Variants in FARP2 observed in about 807,000 individuals in gnomAD.
The protein encoded by FARP2 is FERM, ARH/RhoGEF and pleckstrin domain protein 2.
In FARP2, 111 loss-of-function variants were observed where a neutral mutation model predicts 130.5. That is an observed-to-expected ratio of 0.85 (90% CI 0.73 to 1.00). The LOEUF is 1.00. Among genes scored for constraint, FARP2 ranks in the 50% least tolerant of loss-of-function variants. The probability of loss-of-function intolerance (pLI) is 0.00; values close to 1 mark genes in which losing one functional copy is unlikely to be tolerated. For missense variants in FARP2, 1,385 were observed against 1,346.3 expected, an observed-to-expected ratio of 1.03 and a Z score of -0.45; for synonymous variants, 504 against 516.9, an observed-to-expected ratio of 0.98 and a Z score of 0.34.
intron 19 of FARP2, among the ~76,000 whole-genome samples, chr2:241,480,833 G>A (rs1194537460): frequency 6.6e-6 from 1 of 152,012 alleles, no homozygotes; most frequent in Non-Finnish European, 1.5e-5. Context: ...TGTGTATAGT[G>A]GAAGGTAGGA....
intron 2 of FARP2, among the ~76,000 whole-genome samples, chr2:241,376,166 C>T (rs2061531853): frequency 6.6e-6 from 1 of 152,162 alleles, no homozygotes; most frequent in African/African-American, 2.4e-5. Context: ...ACCTCATGTG[C>T]AGAATCTCAT....
Position 241,356,307 on chromosome 2 carries a change from C to G in FARP2, c.-106C>G, listed in dbSNP as rs973393070. 2.0e-5 allele frequency: 3 copies of G among 152,412 alleles called. No individual in the cohort carries two copies. The highest frequency in any genetic ancestry group is 2.9e-5 in the Non-Finnish European group (2 of 68,024). 9.4% of individuals were successfully genotyped at this position (152,412 alleles called of 1,614,324 possible). A position where few individuals can be genotyped will look rare whatever the true frequency, so the allele number is the denominator to read the frequency against. On this transcript the variant is annotated 5_prime_UTR_variant, in exon 1 of 27. Coordinates refer to ENST00000264042, the MANE Select transcript of FARP2 (RefSeq NM_014808.4). ...GGCAGTTGGGAGCAGGCGACGCCGA[C>G]GCGAGTCTGGCGGCTGCTGCTTGCG... is the stretch of plus-strand genomic sequence containing the variant.
intron 1 of FARP2, 52 bp downstream of exon 1, chr2:241,356,440 G>C (rs1005602403): frequency 2.6e-5 from 4 of 152,256 alleles, no homozygotes; most frequent in Non-Finnish European, 5.9e-5. Context: ...GCCTCTCCGG[G>C]TGGGCGGCGA....
chr2:241,389,573 G>C (rs1005477117), intron 2 of FARP2, among the ~76,000 whole-genome samples: 13 of 152,158 alleles, frequency 8.5e-5, no homozygotes, highest in African/African-American at 3.1e-4. Flanking sequence ...TTACAACTCT[G>C]TAAAACAACC....
chr2:241,407,244 G>A (rs984038386), intron 4 of FARP2, among the ~76,000 whole-genome samples: 20 of 151,244 alleles, frequency 1.3e-4, no homozygotes, highest in Admixed American at 3.3e-4. Flanking sequence ...TCTTTTGTTC[G>A]GAGACAGGGT....
intron 13 of FARP2, 97 bp from the exon 14 acceptor site, chr2:241,456,650 C>A: frequency 8.5e-7 from 1 of 1,182,322 alleles, no homozygotes; most frequent in Non-Finnish European, 1.2e-6. Context: ...CTGTGTGAGG[C>A]TGGCGGTTGA....
At chr2:241,399,988 CTG>C (rs148699823) in intron 2 of FARP2, among the ~76,000 whole-genome samples, 5,060 of 152,248 alleles carry the variant, frequency 0.033, 504 homozygotes, top group Admixed American at 0.19. Flanking sequence ...ACCCATATAA[CTG>C]TGAATTTTTG....
chr2:241,383,632 C>T (rs570342817), intron 2 of FARP2, among the ~76,000 whole-genome samples: 3 of 151,816 alleles, frequency 2.0e-5, no homozygotes, highest in Non-Finnish European at 2.9e-5. Flanking sequence ...GTGACATTTG[C>T]GGTGACCCAG....
intron 8 of FARP2, among the ~76,000 whole-genome samples, chr2:241,427,378 G>T (rs1474240629): frequency 1.3e-5 from 2 of 152,114 alleles, no homozygotes; most frequent in Admixed American, 6.6e-5. Flanking sequence ...TATACAGGAA[G>T]CCCAGCGTGG....
At chr2:241,463,493 G>A (rs748011655) in intron 16 of FARP2, 25 bp downstream of exon 16, 11 of 1,607,946 alleles carry the variant, frequency 6.8e-6, no homozygotes, top group African/African-American at 1.3e-5. Context: ...GCCCCCACAC[G>A]GGAGACTCCC....
At chr2:241,474,032 C>T (rs971293047) in intron 18 of FARP2, among the ~76,000 whole-genome samples, 1 of 152,276 alleles carries the variant, frequency 6.6e-6, no homozygotes, top group East Asian at 1.9e-4. Context: ...GCAGGCCGGG[C>T]GCGGTGGCTC....
intron 2 of FARP2, among the ~76,000 whole-genome samples, chr2:241,402,358 TTTA>T (rs2062191194): frequency 6.6e-6 from 1 of 152,170 alleles, no homozygotes; most frequent in Non-Finnish European, 1.5e-5. Context: ...ATCTTACTGT[TTTA>T]TTATTAAAGA....
chr2:241,417,989 C>T lies in FARP2; in HGVS notation c.651C>T (p.Phe217=), dbSNP rs1173982426. The T allele has an allele frequency of 1.9e-6, 3 of 1,614,026 alleles. No individual in the cohort carries two copies. The highest frequency in any genetic ancestry group is 2.5e-6 in the Non-Finnish European group (3 of 1,180,040). ...GCCAGACACCTGCTGAGTCGGATTT[C>T]CAGGTGCTCGAAATTGCTCGAAAGT... ...HVGQTPAESD[F]QVLEIARKLE... Residue 217 remains phenylalanine, a synonymous_variant, in exon 8 of 27, where the codon TTC becomes TTT. Transcript: ENST00000264042.
At chr2:241,480,428 G>A (rs1439014881) in intron 19 of FARP2, among the ~76,000 whole-genome samples, 1 of 152,186 alleles carries the variant, frequency 6.6e-6, no homozygotes, top group Non-Finnish European at 1.5e-5. Flanking sequence ...AGCTCTGGAG[G>A]AAGGCAGCCA....
intron 1 of FARP2, among the ~76,000 whole-genome samples, chr2:241,367,800 G>T (rs1385298098): frequency 6.6e-6 from 1 of 152,014 alleles, no homozygotes; most frequent in African/African-American, 2.4e-5. Context: ...CAGCAGAAGG[G>T]GAAGAGTTTT....
chr2:241,451,945 G>A (rs937800434), intron 13 of FARP2, among the ~76,000 whole-genome samples: 1 of 152,056 alleles, frequency 6.6e-6, no homozygotes, highest in Non-Finnish European at 1.5e-5. Context: ...AGTAGAGATG[G>A]GGTTTCACCA....
chr2:241,401,891 G>A (rs2062176532), intron 2 of FARP2, among the ~76,000 whole-genome samples: 1 of 151,972 alleles, frequency 6.6e-6, no homozygotes, highest in African/African-American at 2.4e-5. Context: ...CCGGGTTCAA[G>A]CTATTCTCCC....
chr2:241,464,588 G>T (rs75917565), intron 17 of FARP2, among the ~76,000 whole-genome samples: 12,075 of 152,094 alleles, frequency 0.079, 503 homozygotes, highest in Middle Eastern at 0.13. Context: ...CCAAAACAGG[G>T]TCCTCTCAGA....
chr2:241,455,006 A>C (rs2063792827), intron 13 of FARP2, among the ~76,000 whole-genome samples: 1 of 152,182 alleles, frequency 6.6e-6, no homozygotes, highest in Non-Finnish European at 1.5e-5. Flanking sequence ...TGGAGGGTTA[A>C]CCTGTTGAGT....
Sources: gnomAD v4.1 joint callset for allele counts (sites outside exome capture counted in the v4.1 genomes callset) on GRCh38, gnomAD v4.1.1 for gene constraint, MANE v1.5 for transcripts, NCBI Gene and HGNC (gene_info 2026-07-23, HGNC 2026-07-21) for gene names.